UPP2: variants seen among roughly 807,000 people sequenced by gnomAD.
UPP2 encodes UPase 2.
A neutral mutation model predicts 26.7 loss-of-function variants in UPP2; 23 were observed. The observed-to-expected ratio is 0.86, with a 90% CI of 0.62 to 1.22. The LOEUF is 1.22. Ranked by LOEUF, UPP2 falls within the 50% of genes most tolerant of loss-of-function variation. The pLI is 0.00. For missense variants in UPP2, 387 were observed against 396.7 expected (o/e 0.98, Z 0.21); for synonymous variants, 127 against 141.3 (o/e 0.90, Z 0.72).
At chr2:158,108,127 A>T (rs1483350414) in intron 2 of UPP2, among the ~76,000 whole-genome samples, 2 of 152,190 alleles carry the variant, frequency 1.3e-5, no homozygotes, top group Admixed American at 6.5e-5. Flanking sequence ...TGAGATATAT[A>T]TTTGAGACAG....
At chr2:158,041,455 A>T (rs2105163971) in intron 3 of UPP2, among the ~76,000 whole-genome samples, 1 of 142,418 alleles carries the variant, frequency 7.0e-6, no homozygotes, top group African/African-American at 2.8e-5. Context: ...GACTTCACTC[A>T]TTTCCCCGAG....
intron 6 of UPP2, among the ~76,000 whole-genome samples, chr2:158,130,267 C>G (rs1683785220): frequency 2.0e-5 from 3 of 151,890 alleles, no homozygotes; most frequent in African/African-American, 7.3e-5. Context: ...ATGGTGAAAC[C>G]TCGTCTCTAC....
chr2:158,041,969 C>T (rs1476971477), intron 3 of UPP2, among the ~76,000 whole-genome samples: 5 of 152,332 alleles, frequency 3.3e-5, no homozygotes, highest in East Asian at 3.9e-4. Context: ...AAAAGCCTAT[C>T]TAATCCCTGA....
At chr2:158,112,986 T>C (rs1170454625) in intron 2 of UPP2, among the ~76,000 whole-genome samples, 2 of 152,156 alleles carry the variant, frequency 1.3e-5, no homozygotes, top group Non-Finnish European at 2.9e-5. Context: ...TCACTTAAGG[T>C]CAATGTTGGT....
intron 2 of UPP2, among the ~76,000 whole-genome samples, chr2:158,002,903 T>A (rs76354842): frequency 6.8e-6 from 1 of 148,042 alleles, no homozygotes; most frequent in Admixed American, 6.7e-5. Flanking sequence ...CCTGGTACAA[T>A]TTTTTTTTTT....
chr2:158,033,844 T>C (rs1419436853), intron 3 of UPP2, among the ~76,000 whole-genome samples: 1 of 152,184 alleles, frequency 6.6e-6, no homozygotes, highest in African/African-American at 2.4e-5. Flanking sequence ...AAGGATGCAA[T>C]GAAATTAGTT....
chr2:158,034,405 T>C (rs936361829), intron 3 of UPP2, among the ~76,000 whole-genome samples: 13 of 152,192 alleles, frequency 8.5e-5, no homozygotes, highest in African/African-American at 2.9e-4. Context: ...TCTGCTCAGA[T>C]GCTTTTCAGA....
intron 2 of UPP2, among the ~76,000 whole-genome samples, chr2:157,999,525 T>C (rs994142640): frequency 2.0e-5 from 3 of 152,212 alleles, no homozygotes; most frequent in Admixed American, 6.5e-5. Flanking sequence ...CTTAACACAC[T>C]TATGGTTTCC....
Position 158,115,200 on chromosome 2 carries a change from A to G in UPP2, c.280A>G (p.Ile94Val). 6.2e-7 allele frequency: 1 copy of G among 1,613,770 alleles called. No individual in the cohort carries two copies. The highest frequency in any genetic ancestry group is 8.5e-7 in the Non-Finnish European group (1 of 1,179,856). The change falls in exon 3 of 7, where the codon ATC becomes GTC. Residue 94 changes from isoleucine (I) to valine (V), a missense_variant. Ile to Val is a conservative substitution (Grantham distance 29). Transcript: ENST00000005756. ...FEEAEEDIKDICAGTDRYCMY... is the reference protein window; with the variant it reads ...FEEAEEDIKDVCAGTDRYCMY... ...GGAAGCTGAAGAAGACATAAAAGACATCTGTGCTGGGACAGACAGATACTG... is the reference window on the plus strand; with the variant it reads ...GGAAGCTGAAGAAGACATAAAAGACGTCTGTGCTGGGACAGACAGATACTG...
intron 2 of UPP2, among the ~76,000 whole-genome samples, chr2:158,006,719 G>A (rs1240181693): frequency 6.6e-6 from 1 of 152,162 alleles, no homozygotes. Context: ...CATCTCCAGT[G>A]GGCGTCTTCC....
chr2:158,124,150 A>G (rs6437136), intron 6 of UPP2, among the ~76,000 whole-genome samples: 84,113 of 152,052 alleles, frequency 0.55, 23,660 homozygotes, highest in African/African-American at 0.59. Context: ...CAGCAAGTTC[A>G]GTTTCCTTCA....
intron 3 of UPP2, among the ~76,000 whole-genome samples, chr2:158,060,953 GC>G (rs1682343138): frequency 6.6e-6 from 1 of 152,192 alleles, no homozygotes; most frequent in Non-Finnish European, 1.5e-5. Flanking sequence ...TAGTATGGCA[GC>G]CTGGATGACT....
intron 3 of UPP2, among the ~76,000 whole-genome samples, chr2:158,068,802 ATTTTTTTTTTTTTT>A (rs70990633): frequency 1.1e-4 from 2 of 18,894 alleles, no homozygotes; most frequent in African/African-American, 4.6e-4. Context: ...ATATATATAT[ATTTTTTTTTTTTTT>A]TTTTTTTTTT....
chr2:158,080,769 T>C (rs1033618941), intron 3 of UPP2, among the ~76,000 whole-genome samples: 2 of 152,090 alleles, frequency 1.3e-5, no homozygotes, highest in Non-Finnish European at 2.9e-5. Flanking sequence ...CCCTCATTAG[T>C]GTGGGAATGA....
At chr2:158,023,175 G>T (rs1009079911) in intron 3 of UPP2, among the ~76,000 whole-genome samples, 2 of 134,540 alleles carry the variant, frequency 1.5e-5, no homozygotes, top group Non-Finnish European at 3.1e-5. Flanking sequence ...AAAGTCTTTG[G>T]AGAATAGTGC....
At chr2:158,106,295 A>G (rs1683193970) in intron 2 of UPP2, 79 bp downstream of exon 2, 5 of 1,267,656 alleles carry the variant, frequency 3.9e-6, no homozygotes, top group South Asian at 3.8e-5. Flanking sequence ...AAAATAATCT[A>G]TACACCTTTG....
chr2:158,089,769 C>A lies in UPP2; in HGVS notation c.148-12271C>A, dbSNP rs187315507. ...AAATCCTTCTCCTGTGATCTGGGAT[C>A]TGGACCTTCAGGTTTCCCAGTAAGG... is the stretch of plus-strand genomic sequence containing the variant. On this transcript the variant is annotated intron_variant, in intron 3 of 9. Transcript: ENST00000605860. Among the ~76,000 whole-genome samples the A allele has an allele frequency of 1.6e-4, 25 of 152,364 alleles. 1 individual carries two copies. Among genetic ancestry groups the A allele is most frequent in the African/African-American group, 5.3e-4 (22 of 41,578 alleles).
chr2:158,033,705 C>T (rs1683959491), intron 3 of UPP2, among the ~76,000 whole-genome samples: 1 of 152,202 alleles, frequency 6.6e-6, no homozygotes, highest in Admixed American at 6.5e-5. Context: ...AGGGGTTCCA[C>T]AAGCCCACTT....
At chr2:158,107,507 C>G (rs1006898679) in intron 2 of UPP2, among the ~76,000 whole-genome samples, 1 of 151,990 alleles carries the variant, frequency 6.6e-6, no homozygotes, top group African/African-American at 2.4e-5. Flanking sequence ...CTAGGAGGAC[C>G]CTTTGAGTCA....
Sources: allele counts gnomAD v4.1 joint callset (sites outside exome capture counted in the v4.1 genomes callset), GRCh38; gene constraint gnomAD v4.1.1; transcripts MANE v1.5; gene names NCBI Gene and HGNC (gene_info 2026-07-23, HGNC 2026-07-21).